Variants in HSPA12A observed in about 807,000 individuals in gnomAD.
HSPA12A encodes the protein heat shock protein family A (Hsp70) member 12A.
In HSPA12A, 28 loss-of-function variants were observed where a neutral mutation model predicts 69.2. The ratio of observed to expected loss-of-function variants is 0.40; its 90% CI spans 0.30 to 0.55. The LOEUF is 0.55. Ranked by LOEUF, HSPA12A falls within the 20% of genes least tolerant of loss-of-function variation. The pLI is 0.38. For missense variants in HSPA12A, 686 were observed against 900.7 expected (o/e 0.76, Z 3.05); for synonymous variants, 345 against 370.5 (o/e 0.93, Z 0.79).
intron 1 of HSPA12A, among the ~76,000 whole-genome samples, chr10:116,846,895 C>T (rs1317762540): frequency 6.6e-6 from 1 of 152,108 alleles, no homozygotes; most frequent in African/African-American, 2.4e-5. Flanking sequence ...TTTTTTCCTT[C>T]TTCTCTAAAC....
At chr10:116,724,412 G>C (rs1353175270) in intron 1 of HSPA12A, among the ~76,000 whole-genome samples, 1 of 152,060 alleles carries the variant, frequency 6.6e-6, no homozygotes, top group African/African-American at 2.4e-5. Context: ...GGCACTTAAG[G>C]GCCATGGGGT....
At chr10:116,748,898 C>A (rs1308290978) in intron 2 of HSPA12A, among the ~76,000 whole-genome samples, 3 of 152,192 alleles carry the variant, frequency 2.0e-5, no homozygotes, top group Non-Finnish European at 4.4e-5. Context: ...AACCATATCA[C>A]TGGGTTCCTG....
intron 1 of HSPA12A, among the ~76,000 whole-genome samples, chr10:116,843,810 T>A (rs952957732): frequency 7.2e-5 from 11 of 152,212 alleles, no homozygotes; most frequent in African/African-American, 2.7e-4. Flanking sequence ...TTAATCGGTC[T>A]GGGATAGGGC....
At chr10:116,697,887 AG>A (rs1193306399) in intron 5 of HSPA12A, among the ~76,000 whole-genome samples, 2 of 152,170 alleles carry the variant, frequency 1.3e-5, no homozygotes, top group African/African-American at 4.8e-5. Flanking sequence ...GTTTCTGTGA[AG>A]GTGCCTGTTC....
At chr10:116,842,341 T>C (rs1428061556) in intron 1 of HSPA12A, among the ~76,000 whole-genome samples, 2 of 152,076 alleles carry the variant, frequency 1.3e-5, no homozygotes. Flanking sequence ...GGATTCTTCC[T>C]CTCTCTTCTT....
chr10:116,807,659 C>T (rs1011889884), intron 2 of HSPA12A, among the ~76,000 whole-genome samples: 4 of 152,128 alleles, frequency 2.6e-5, no homozygotes, highest in Non-Finnish European at 4.4e-5. Context: ...GGGGTGTCTG[C>T]GCCACTTGGA....
chr10:116,765,479 A>G (rs1554889655), intron 2 of HSPA12A, among the ~76,000 whole-genome samples: 1 of 152,200 alleles, frequency 6.6e-6, no homozygotes, highest in Non-Finnish European at 1.5e-5. Context: ...GGAAAAAGGA[A>G]TAATGGTAGT....
In HSPA12A at chr10:116,700,913, G is replaced by A. The variant is rs533747145; in HGVS notation, c.441+30C>T. 32 of 1,605,560 alleles carry A rather than the reference G, an allele frequency of 2.0e-5. No homozygotes were observed. In the East Asian group the frequency reaches 3.1e-4, roughly 16 times the overall value. On this transcript the variant is annotated intron_variant, in intron 4 of 11. Coordinates refer to ENST00000369209, the MANE Select transcript of HSPA12A (RefSeq NM_025015.3). ...GGAAGCTTGGCACTCCATTGCGGGGGACCTGGGCCCAGGGGAGAGGCTTGC... is the reference window on the plus strand; with the variant it reads ...GGAAGCTTGGCACTCCATTGCGGGGAACCTGGGCCCAGGGGAGAGGCTTGC...
intron 2 of HSPA12A, among the ~76,000 whole-genome samples, chr10:116,772,147 C>A (rs1268895155): frequency 6.6e-6 from 1 of 152,184 alleles, no homozygotes; most frequent in East Asian, 1.9e-4. Flanking sequence ...CACTAAATGA[C>A]CTGGGTGTCT....
intron 2 of HSPA12A, among the ~76,000 whole-genome samples, chr10:116,822,545 G>T (rs746694053): frequency 6.6e-6 from 1 of 152,138 alleles, no homozygotes; most frequent in Non-Finnish European, 1.5e-5. Context: ...AATTCAGTAG[G>T]GCATTTGATA....
chr10:116,729,207 C>T (rs542949728), intron 1 of HSPA12A, among the ~76,000 whole-genome samples: 5 of 152,144 alleles, frequency 3.3e-5, no homozygotes, highest in Non-Finnish European at 7.4e-5. Flanking sequence ...AGGAGCACGC[C>T]GGGAAGGTCA....
chr10:116,846,725 G>A (rs919973429), intron 1 of HSPA12A, among the ~76,000 whole-genome samples: 2 of 152,158 alleles, frequency 1.3e-5, no homozygotes, highest in African/African-American at 4.8e-5. Context: ...AATATGAAAA[G>A]AAGAAAATAA....
At chr10:116,820,193 C>G (rs1273652779) in intron 2 of HSPA12A, among the ~76,000 whole-genome samples, 1 of 152,084 alleles carries the variant, frequency 6.6e-6, no homozygotes, top group Non-Finnish European at 1.5e-5. Flanking sequence ...ACAAATATGA[C>G]ATGATCAGCA....
At chr10:116,757,190 G>A (rs1260925134) in intron 2 of HSPA12A, among the ~76,000 whole-genome samples, 1 of 152,176 alleles carries the variant, frequency 6.6e-6, no homozygotes, top group African/African-American at 2.4e-5. Flanking sequence ...GGGGAAATGG[G>A]GGATGACCTG....
chr10:116,849,767 C>A, upstream of HSPA12A: 1 of 1,472,890 alleles, frequency 6.8e-7, no homozygotes, highest in Non-Finnish European at 9.0e-7. Flanking sequence ...CTCCCGCCAA[C>A]CCCTCTCCCC....
At position 116,742,454 on chromosome 10, in the gene HSPA12A, C is replaced by T. The variant is rs1554887339; in HGVS notation, c.16G>A (p.Ala6Thr). The change falls in exon 1 of 12, where the codon GCC becomes ACC. Residue 6 changes from alanine to threonine, a missense_variant. Coordinates refer to ENST00000369209, the MANE Select transcript of HSPA12A (RefSeq NM_025015.3). ...CCTCGGGGCCCGTCGCTGCCGCCGGCCTCCTTGTCCGCCATGGTCGCGCAG... is the reference window on the plus strand; with the variant it reads ...CCTCGGGGCCCGTCGCTGCCGCCGGTCTCCTTGTCCGCCATGGTCGCGCAG... MADKE[A>T]GGSDGPRETA... 1 of 1,401,932 alleles carries T rather than the reference C, an allele frequency of 7.1e-7. No homozygotes were observed. The highest frequency in any genetic ancestry group is 9.3e-7 in the Non-Finnish European group (1 of 1,075,892). 86.8% of individuals were successfully genotyped at this position (1,401,932 alleles called of 1,614,324 possible).
chr10:116,680,633 G>A (rs917866046), intron 9 of HSPA12A, among the ~76,000 whole-genome samples: 1 of 152,192 alleles, frequency 6.6e-6, no homozygotes, highest in South Asian at 2.1e-4. Flanking sequence ...CTACAGGTGT[G>A]CACCACCACG....
chr10:116,770,815 A>C (rs1042485534), intron 2 of HSPA12A, among the ~76,000 whole-genome samples: 2 of 152,194 alleles, frequency 1.3e-5, no homozygotes, highest in Non-Finnish European at 2.9e-5. Flanking sequence ...ACTTTCTGTG[A>C]ATTTGCTTTA....
intron 1 of HSPA12A, among the ~76,000 whole-genome samples, chr10:116,841,561 T>G (rs1845800601): frequency 6.6e-6 from 1 of 152,192 alleles, no homozygotes. Context: ...TCTAACATAT[T>G]AGAGATTCAT....
Sources: gnomAD v4.1 joint callset for allele counts (sites outside exome capture counted in the v4.1 genomes callset) on GRCh38, gnomAD v4.1.1 for gene constraint, MANE v1.5 for transcripts, NCBI Gene and HGNC (gene_info 2026-07-23, HGNC 2026-07-21) for gene names.